Variants in ANKRD6 observed in about 807,000 individuals in gnomAD.
The protein encoded by ANKRD6 is ankyrin repeat domain-containing protein 6.
A neutral mutation model predicts 82.3 loss-of-function variants in ANKRD6; 56 were observed. The observed-to-expected ratio is 0.68, with a 90% CI of 0.55 to 0.85. ANKRD6 has a LOEUF of 0.85. Among genes scored for constraint, ANKRD6 ranks in the 40% least tolerant of loss-of-function variants. The pLI, the probability that ANKRD6 is intolerant of heterozygous loss-of-function variation, is 0.00. For missense variants in ANKRD6, 852 were observed against 907.6 expected, an observed-to-expected ratio of 0.94 and a Z score of 0.79; for synonymous variants, 347 against 352.1, an observed-to-expected ratio of 0.99 and a Z score of 0.16.
chr6:89,488,353 G>C (rs1413933822), intron 1 of ANKRD6, among the ~76,000 whole-genome samples: 2 of 152,236 alleles, frequency 1.3e-5, no homozygotes, highest in African/African-American at 4.8e-5. Context: ...AGGAGGCTGA[G>C]GCAGGAGGAT....
rs749420040 is a variant in ANKRD6 at position 89,621,987 on chromosome 6, A to G, written c.858A>G (p.Arg286=). Residue 286 remains arginine, a synonymous_variant, in exon 10 of 16, where the codon AGA becomes AGG. Transcript: ENST00000339746. ...KKRERLKEER[R]AQSVPRDEVA... Reference sequence around the variant, plus strand: ...GAGAGAGGCTCAAGGAAGAGAGGAGAGCCCAGTCTGTGCCAAGAGATGAGG... The same window carrying G: ...GAGAGAGGCTCAAGGAAGAGAGGAGGGCCCAGTCTGTGCCAAGAGATGAGG... 1 of 1,612,890 alleles carries G rather than the reference A, an allele frequency of 6.2e-7. No homozygotes were observed. Among genetic ancestry groups the G allele is most frequent in the Non-Finnish European group, 8.5e-7 (1 of 1,179,888 alleles).
intron 2 of ANKRD6, among the ~76,000 whole-genome samples, chr6:89,584,775 G>A (rs1793344317): frequency 6.6e-6 from 1 of 152,204 alleles, no homozygotes; most frequent in Non-Finnish European, 1.5e-5. Flanking sequence ...CACGTATTCG[G>A]TGGCTTAAAC....
rs530068070 is a variant in ANKRD6 at position 89,447,854 on chromosome 6, A to AT, written c.-144+14490dup. ...AGGCATGTGCCACCACGCCCAGCTA[A>AT]TTTTTTTTTTTCAGTAGAGATGGGG... On this transcript the variant is annotated intron_variant, in intron 1 of 15. Transcript: ENST00000339746. 1.8e-3 allele frequency among the ~76,000 whole-genome samples: 217 copies of AT among 119,004 alleles called. 5 individuals are homozygous for AT. The East Asian group carries it at 0.02, about 11-fold the overall frequency. The allele number at this position is 119,004 out of a possible 152,430, so 78.1% of individuals were successfully genotyped here. A position where few individuals can be genotyped will look rare whatever the true frequency, so the allele number is the denominator to read the frequency against.
chr6:89,594,583 G>T (rs1795510857), intron 2 of ANKRD6, among the ~76,000 whole-genome samples: 1 of 152,170 alleles, frequency 6.6e-6, no homozygotes, highest in Admixed American at 6.5e-5. Flanking sequence ...TGAGAGAGTG[G>T]TTACCTCTGG....
chr6:89,452,481 C>T (rs1772961310), intron 1 of ANKRD6, among the ~76,000 whole-genome samples: 1 of 152,170 alleles, frequency 6.6e-6, no homozygotes, highest in South Asian at 2.1e-4. Flanking sequence ...CATAAATCTA[C>T]AGCAGAGCTG....
chr6:89,513,600 C>A, intron 1 of ANKRD6, among the ~76,000 whole-genome samples: 1 of 152,124 alleles, frequency 6.6e-6, no homozygotes, highest in Non-Finnish European at 1.5e-5. Context: ...CAGTTTATCC[C>A]TTCTGCTATT....
chr6:89,556,972 A>G (rs1184857447), intron 1 of ANKRD6, among the ~76,000 whole-genome samples: 2 of 152,166 alleles, frequency 1.3e-5, no homozygotes, highest in African/African-American at 2.4e-5. Flanking sequence ...ACTGTCTCAA[A>G]TCAGGATGAT....
At chr6:89,569,002 C>T (rs550293584) in intron 2 of ANKRD6, among the ~76,000 whole-genome samples, 2 of 151,758 alleles carry the variant, frequency 1.3e-5, no homozygotes, top group African/African-American at 4.8e-5. Flanking sequence ...CAACCTCCAC[C>T]TCCCAGGTTC....
At chr6:89,494,261 C>G (rs928650033) in intron 1 of ANKRD6, among the ~76,000 whole-genome samples, 6 of 152,212 alleles carry the variant, frequency 3.9e-5, no homozygotes, top group Non-Finnish European at 8.8e-5. Flanking sequence ...TCATGCTAAA[C>G]TAACAGGATT....
At chr6:89,624,830 T>A in intron 13 of ANKRD6, 139 bp downstream of exon 13, 1 of 906,928 alleles carries the variant, frequency 1.1e-6, no homozygotes, top group Non-Finnish European at 1.6e-6. Context: ...CTTCTGCTTA[T>A]GTGATTTTGT....
At chr6:89,502,294 ATAACT>A (rs575156957) in intron 1 of ANKRD6, among the ~76,000 whole-genome samples, 198 of 152,334 alleles carry the variant, frequency 1.3e-3, no homozygotes, top group African/African-American at 4.4e-3. Flanking sequence ...TATAATAAAA[ATAACT>A]TAACCATAAT....
At chr6:89,565,705 A>G (rs542418076) in intron 1 of ANKRD6, among the ~76,000 whole-genome samples, 1 of 152,340 alleles carries the variant, frequency 6.6e-6, no homozygotes, top group South Asian at 2.1e-4. Context: ...CCTGGGAACA[A>G]ATGTAAAGGA....
chr6:89,449,467 C>T (rs1478270135), intron 1 of ANKRD6, among the ~76,000 whole-genome samples: 1 of 152,104 alleles, frequency 6.6e-6, no homozygotes, highest in East Asian at 1.9e-4. Flanking sequence ...CACTTTTTGT[C>T]AGACCCAAAC....
chr6:89,521,456 G>C (rs1781881426), intron 1 of ANKRD6, among the ~76,000 whole-genome samples: 1 of 152,202 alleles, frequency 6.6e-6, no homozygotes, highest in Non-Finnish European at 1.5e-5. Context: ...GAAGGGGCCA[G>C]CTGGCCCCCA....
chr6:89,620,733 C>A (rs1278909034), intron 9 of ANKRD6, among the ~76,000 whole-genome samples: 4 of 152,100 alleles, frequency 2.6e-5, no homozygotes, highest in African/African-American at 9.7e-5. Flanking sequence ...CTTGGTGAAT[C>A]CCAACGACTC....
At chr6:89,441,517 T>G (rs1420661166) in intron 1 of ANKRD6, among the ~76,000 whole-genome samples, 1 of 152,034 alleles carries the variant, frequency 6.6e-6, no homozygotes, top group Non-Finnish European at 1.5e-5. Flanking sequence ...CTTCTCAAAC[T>G]TATGCATATG....
intron 8 of ANKRD6, chr6:89,617,093 C>A (rs1801764811): frequency 5.3e-6 from 2 of 380,876 alleles, no homozygotes; most frequent in Non-Finnish European, 5.3e-6. Flanking sequence ...TTCCCTCTCC[C>A]CCTCTCACTG....
At chr6:89,591,680 G>A (rs1011832963) in intron 2 of ANKRD6, among the ~76,000 whole-genome samples, 1 of 152,204 alleles carries the variant, frequency 6.6e-6, no homozygotes, top group African/African-American at 2.4e-5. Context: ...ACTACAGAAT[G>A]TTCTGGAAAA....
chr6:89,565,599 C>T (rs965060836), intron 1 of ANKRD6, among the ~76,000 whole-genome samples: 1 of 152,200 alleles, frequency 6.6e-6, no homozygotes, highest in South Asian at 2.1e-4. Context: ...CTGAATGCCA[C>T]GGTGAACGAG....
Sources: allele counts gnomAD v4.1 joint callset (sites outside exome capture counted in the v4.1 genomes callset), GRCh38; gene constraint gnomAD v4.1.1; transcripts MANE v1.5; gene names NCBI Gene and HGNC (gene_info 2026-07-23, HGNC 2026-07-21).